The following FER1L6 variants were observed in gnomAD, a reference collection of about 807,000 sequenced individuals.
FER1L6 encodes the protein fer-1-like protein 6.
FER1L6 carries 177 observed loss-of-function variants against 219.2 expected under a neutral mutation model. The ratio of observed to expected loss-of-function variants is 0.81; its 90% CI spans 0.71 to 0.91. The LOEUF is 0.91. FER1L6 is among the 40% of genes least tolerant of loss of function. The pLI is 0.00. For synonymous variants in FER1L6, 768 were observed against 824.3 expected, an observed-to-expected ratio of 0.93 and a Z score of 1.17; for missense variants, 2,153 against 2,259.9, an observed-to-expected ratio of 0.95 and a Z score of 0.96.
intron 11 of FER1L6, chr8:123,985,209 G>A (rs1004057161): frequency 6.6e-6 from 1 of 152,178 alleles, no homozygotes; most frequent in Non-Finnish European, 1.5e-5. Context: ...AAGCTGCTTA[G>A]TATCTCTGAG....
intron 13 of FER1L6, among the ~76,000 whole-genome samples, chr8:124,007,431 G>A (rs1817710758): frequency 6.6e-6 from 1 of 152,018 alleles, no homozygotes; most frequent in Non-Finnish European, 1.5e-5. Context: ...TGGGGTTTGG[G>A]GGAAAACCTG....
chr8:123,978,200 G>C (rs1249948327), intron 10 of FER1L6, among the ~76,000 whole-genome samples: 1 of 152,180 alleles, frequency 6.6e-6, no homozygotes, highest in African/African-American at 2.4e-5. Flanking sequence ...TGAAAAATGA[G>C]ACATTTAGAG....
At chr8:123,985,241 T>C (rs182174505) in intron 11 of FER1L6, 4 of 152,248 alleles carry the variant, frequency 2.6e-5, no homozygotes, top group Admixed American at 1.3e-4. Flanking sequence ...TCAGGTAAAA[T>C]GTGGAGGTTG....
At chr8:124,091,273 C>T (rs894907698) in intron 33 of FER1L6, 150 bp from the exon 34 acceptor site, 6 of 540,098 alleles carry the variant, frequency 1.1e-5, no homozygotes, top group African/African-American at 1.9e-5. Flanking sequence ...GCCTTTCAGG[C>T]AAGCTGTGTT....
At position 124,033,495 on chromosome 8, in the gene FER1L6, AT is replaced by A. The variant is rs796412106; in HGVS notation, c.2287-1771del. ...ACCAACAACAAAATAAACTTACTTG[AT>A]TTTTTTTTTTGAGCTCAACAAACAC... On this transcript the variant is annotated intron_variant, in intron 18 of 40. Coordinates refer to ENST00000522917, the MANE Select transcript of FER1L6 (RefSeq NM_001039112.2). Among the ~76,000 whole-genome samples the A allele has an allele frequency of 5.0e-4, 74 of 148,036 alleles. 1 individual carries two copies. Among genetic ancestry groups the A allele is most frequent in the Middle Eastern group, 3.5e-3 (1 of 288 alleles).
intron 3 of FER1L6, 120 bp from the exon 4 acceptor site, chr8:123,965,887 T>G: frequency 1.1e-6 from 1 of 913,198 alleles, no homozygotes. Context: ...CCCCCAGAGA[T>G]GTAGACAGAA....
intron 15 of FER1L6, among the ~76,000 whole-genome samples, chr8:124,015,318 C>G (rs1818138036): frequency 6.6e-6 from 1 of 151,934 alleles, no homozygotes; most frequent in African/African-American, 2.4e-5. Context: ...GCTGCTGACC[C>G]TTTAAGGAAA....
At chr8:124,064,075 A>G (rs1820714552) in intron 25 of FER1L6, among the ~76,000 whole-genome samples, 1 of 152,160 alleles carries the variant, frequency 6.6e-6, no homozygotes, top group Non-Finnish European at 1.5e-5. Flanking sequence ...AATGACCACA[A>G]TTGATTAAAA....
In FER1L6 at chr8:123,966,163, C is replaced by T; in HGVS notation, c.257C>T (p.Ala86Val). ...GEVRSQNYQI[A>V]ITITEARQLV... ...CCACACTGCTTTGTGTTGCAGATTGCCATAACCATCACCGAGGCTCGCCAG... is the reference window on the plus strand; with the variant it reads ...CCACACTGCTTTGTGTTGCAGATTGTCATAACCATCACCGAGGCTCGCCAG... The change falls in exon 5 of 41, where the codon GCC becomes GTC. Residue 86 changes from alanine (A) to valine (V), a missense_variant. Physicochemically the swap from Ala to Val is moderately conservative, Grantham distance 64. Transcript: ENST00000522917. The T allele has an allele frequency of 6.2e-7, 1 of 1,613,924 alleles. No homozygotes were observed. Among genetic ancestry groups the T allele is most frequent in the Non-Finnish European group, 8.5e-7 (1 of 1,179,962 alleles).
rs116346740 is a variant in FER1L6, at chr8:123,974,806, G to C, written c.527-344G>C. On this transcript the variant is annotated intron_variant, in intron 7 of 40. Coordinates refer to ENST00000522917, the MANE Select transcript of FER1L6 (RefSeq NM_001039112.2). The stretch of plus-strand genomic sequence containing the variant: ...GCCAAACAAAAAGACCAAGGAGCCA[G>C]GTTTATGTCCTGTGGGTAAATAATA... Among the ~76,000 whole-genome samples, 1,496 of 152,144 alleles carry C rather than the reference G, an allele frequency of 9.8e-3. 28 individuals carry two copies. The highest frequency in any genetic ancestry group is 0.034 in the African/African-American group (1,429 of 41,490).
intron 1 of FER1L6, among the ~76,000 whole-genome samples, chr8:123,947,905 G>A (rs1814576548): frequency 6.6e-6 from 1 of 152,268 alleles, no homozygotes; most frequent in African/African-American, 2.4e-5. Flanking sequence ...GATCAGAGAA[G>A]TCCCCTTCAA....
chr8:124,112,661 T>C (rs2131028760), intron 39 of FER1L6, among the ~76,000 whole-genome samples: 1 of 152,376 alleles, frequency 6.6e-6, no homozygotes, highest in South Asian at 2.1e-4. Flanking sequence ...GAGGTTTCTA[T>C]GCTTCCAGTT....
chr8:123,863,921 T>C (rs1816786532), intron 1 of FER1L6, among the ~76,000 whole-genome samples: 1 of 151,014 alleles, frequency 6.6e-6, no homozygotes, highest in Non-Finnish European at 1.5e-5. Context: ...TGATGGGTCT[T>C]GACTCTTTAT....
At chr8:123,856,672 A>G (rs1261369044) in intron 1 of FER1L6, among the ~76,000 whole-genome samples, 2 of 151,760 alleles carry the variant, frequency 1.3e-5, no homozygotes, top group Non-Finnish European at 2.9e-5. Flanking sequence ...ACCTCTATAT[A>G]TGAGGGCACA....
chr8:124,069,584 CTTCA>C (rs1377418362), intron 29 of FER1L6, 109 bp downstream of exon 29: 1 of 724,154 alleles, frequency 1.4e-6, no homozygotes, highest in South Asian at 2.1e-5. Context: ...GATATTTTGT[CTTCA>C]TTGTCACCGA....
intron 1 of FER1L6, among the ~76,000 whole-genome samples, chr8:123,898,261 T>C (rs996600650): frequency 6.6e-6 from 1 of 152,142 alleles, no homozygotes; most frequent in Non-Finnish European, 1.5e-5. Context: ...AATTTTTGAA[T>C]AAAAATTATT....
At chr8:123,869,097 A>G (rs778559569) in intron 1 of FER1L6, among the ~76,000 whole-genome samples, 8 of 152,218 alleles carry the variant, frequency 5.3e-5, no homozygotes, top group Non-Finnish European at 1.0e-4. Context: ...TCCTAAAGAC[A>G]TAATGAAAGA....
chr8:124,015,589 A>ACATATATATATATATATATG (rs1818157792), intron 15 of FER1L6, among the ~76,000 whole-genome samples: 2 of 85,472 alleles, frequency 2.3e-5, no homozygotes, highest in African/African-American at 1.2e-4. Flanking sequence ...ATATATATAT[A>ACATATATATATATATATATG]TATATATATA....
intron 39 of FER1L6, among the ~76,000 whole-genome samples, chr8:124,104,862 C>A (rs756637198): frequency 6.6e-6 from 1 of 152,122 alleles, no homozygotes; most frequent in Non-Finnish European, 1.5e-5. Context: ...TTTCATCCAA[C>A]AAATATTTAC....
Sources: gnomAD v4.1 joint callset for allele counts (sites outside exome capture counted in the v4.1 genomes callset) on GRCh38, gnomAD v4.1.1 for gene constraint, MANE v1.5 for transcripts, NCBI Gene and HGNC (gene_info 2026-07-23, HGNC 2026-07-21) for gene names.